The following TMC4 variants were observed in gnomAD, a reference collection of about 807,000 sequenced individuals.
The protein encoded by TMC4 is transmembrane channel like 4.
A neutral mutation model predicts 82.0 loss-of-function variants in TMC4; 70 were observed. That is an observed-to-expected ratio of 0.85 (90% CI 0.70 to 1.04). The LOEUF is 1.04. Ranked by LOEUF, TMC4 falls within the 50% of genes least tolerant of loss-of-function variation. The probability of loss-of-function intolerance (pLI) is 0.00; values close to 1 mark genes in which losing one functional copy is unlikely to be tolerated. For missense variants in TMC4, 879 were observed against 899.0 expected (o/e 0.98, Z 0.28); for synonymous variants, 446 against 406.0 (o/e 1.10, Z -1.18).
At position 54,165,071 on chromosome 19, in the gene TMC4, T is replaced by TTC. The variant is rs1465447390; in HGVS notation, c.945+347_945+348insGA. On this transcript the variant is annotated intron_variant, in intron 6 of 14. Coordinates refer to ENST00000619895, the MANE Select transcript of TMC4 (RefSeq NM_144686.4). ...TGTGCTTACTTAAAAAAAAACAAACTTTTTTTTTTTTTTTTTGGTAGAGAG... is the reference window on the plus strand; with the variant it reads ...TGTGCTTACTTAAAAAAAAACAAACTTCTTTTTTTTTTTTTTTTGGTAGAGAG... Among the ~76,000 whole-genome samples the TTC allele has an allele frequency of 9.7e-5, 7 of 72,076 alleles. No homozygotes were observed. In the East Asian group the frequency reaches 2.7e-3, roughly 27 times the overall value. 47.3% of individuals were successfully genotyped at this position (72,076 alleles called of 152,430 possible). A position where few individuals can be genotyped will look rare whatever the true frequency, so the allele number is the denominator to read the frequency against.
At chr19:54,166,066 G>A (rs1295410529) in intron 5 of TMC4, among the ~76,000 whole-genome samples, 1 of 152,106 alleles carries the variant, frequency 6.6e-6, no homozygotes, top group African/African-American at 2.4e-5. Flanking sequence ...ACCCAGAGAA[G>A]ATGGCAGGTA....
rs1198523576 is a variant in TMC4 at position 54,163,717 on chromosome 19, C to A, written c.1277+7G>T. On this transcript the variant is annotated splice_region_variant and intron_variant, in intron 8 of 14. Transcript: ENST00000619895. ...ATCATTCCCAGCCATCCCCGTGAGG[C>A]TGGAACCTGAGCAGGATAAAAACGA... 1 of 1,613,960 alleles carries A rather than the reference C, an allele frequency of 6.2e-7. No homozygotes were observed. The highest frequency in any genetic ancestry group is 8.5e-7 in the Non-Finnish European group (1 of 1,180,028).
intron 1 of TMC4, chr19:54,172,684 A>C: frequency 3.6e-6 from 1 of 277,920 alleles, no homozygotes; most frequent in Non-Finnish European, 6.6e-6. Context: ...ACAGCCCTCA[A>C]CTCCATCCCC....
At chr19:54,166,063 G>C (rs2075695099) in intron 5 of TMC4, among the ~76,000 whole-genome samples, 1 of 152,122 alleles carries the variant, frequency 6.6e-6, no homozygotes, top group Non-Finnish European at 1.5e-5. Context: ...GAGACCCAGA[G>C]AAGATGGCAG....
chr19:54,167,594 C>G (rs77341501), intron 5 of TMC4, among the ~76,000 whole-genome samples: 1 of 150,086 alleles, frequency 6.7e-6, no homozygotes, highest in African/African-American at 2.4e-5. Flanking sequence ...AAAACAAAAA[C>G]AAATCCCAAA....
At chr19:54,165,686 G>A (rs2075687196) in intron 5 of TMC4, 120 bp from the exon 6 acceptor site, 16 of 1,175,016 alleles carry the variant, frequency 1.4e-5, no homozygotes, top group South Asian at 1.1e-4. Context: ...GGTACTAGGC[G>A]AGTTCCCACC....
Position 54,163,573 on chromosome 19 carries a change from G to A in TMC4, c.1277+151C>T. On this transcript the variant is annotated intron_variant, in intron 8 of 14. Coordinates refer to ENST00000619895, the MANE Select transcript of TMC4 (RefSeq NM_144686.4). Reference sequence around the variant, plus strand: ...GGCCTCCCAAAGTGCTGGGATTACAGGTGTGAGCCACTGCACCTGGCCAAC... The same window carrying A: ...GGCCTCCCAAAGTGCTGGGATTACAAGTGTGAGCCACTGCACCTGGCCAAC... 3 of 937,374 alleles carry A rather than the reference G, an allele frequency of 3.2e-6. No homozygotes were observed. In the South Asian group the frequency reaches 4.2e-5, roughly 13 times the overall value. The allele number at this position is 937,374 out of a possible 1,614,324, so 58.1% of individuals were successfully genotyped here. A position where few individuals can be genotyped will look rare whatever the true frequency, so the allele number is the denominator to read the frequency against.
chr19:54,166,846 G>T (rs2075717409), intron 5 of TMC4, among the ~76,000 whole-genome samples: 1 of 152,178 alleles, frequency 6.6e-6, no homozygotes, highest in Non-Finnish European at 1.5e-5. Context: ...CCAGCTACTT[G>T]GGAGGTTGAG....
intron 9 of TMC4, 105 bp from the exon 10 acceptor site, chr19:54,162,875 T>C: frequency 6.6e-7 from 1 of 1,515,832 alleles, no homozygotes; most frequent in Non-Finnish European, 9.1e-7. Context: ...TGTCAATACT[T>C]TCTCTGGGGG....
chr19:54,170,762 C>T (rs930467181), intron 2 of TMC4, among the ~76,000 whole-genome samples: 2 of 152,062 alleles, frequency 1.3e-5, no homozygotes, highest in Admixed American at 6.6e-5. Context: ...CCTCCCAAAG[C>T]GCTGGGGCTA....
At chr19:54,170,969 T>C (rs960555269) in intron 2 of TMC4, among the ~76,000 whole-genome samples, 2 of 151,978 alleles carry the variant, frequency 1.3e-5, no homozygotes, top group Non-Finnish European at 2.9e-5. Context: ...GGCCGCAGTA[T>C]AGTGGCTATA....
Position 54,160,948 on chromosome 19 carries a change from C to G in TMC4, c.1903G>C (p.Glu635Gln). The G allele has an allele frequency of 1.2e-6, 2 of 1,614,130 alleles. No homozygotes were observed. The highest frequency in any genetic ancestry group is 1.1e-5 in the South Asian group (1 of 91,076). ...QIPESISSLP[E>Q]TTQNFLFFLG... The stretch of plus-strand genomic sequence containing the variant: ...AAGAAGAGGAAATTCTGGGTGGTCT[C>G]AGGGAGGCTGGAAATAGACTCAGGG... Residue 635 changes from glutamate (E) to glutamine (Q), a missense_variant, in exon 13 of 15, where the codon GAG becomes CAG. By Grantham distance (29) the Glu-to-Gln change is conservative. Transcript: ENST00000619895.
intron 6 of TMC4, 118 bp downstream of exon 6, chr19:54,165,301 A>G: frequency 8.4e-7 from 1 of 1,189,804 alleles, no homozygotes; most frequent in Non-Finnish European, 1.1e-6. Flanking sequence ...CCTTTCTTGG[A>G]GAAGGAGCTG....
rs1464718923 is a variant in TMC4 at position 54,169,539 on chromosome 19, AG to A, written c.414del (p.Trp139GlyfsTer5). 1 of 1,612,230 alleles carries A rather than the reference AG, an allele frequency of 6.2e-7. No individual in the cohort carries two copies. The highest frequency in any genetic ancestry group is 1.3e-5 in the African/African-American group (1 of 74,314). On this transcript the variant is annotated frameshift_variant, in exon 3 of 15. Coordinates refer to ENST00000619895, the MANE Select transcript of TMC4 (RefSeq NM_144686.4). LOFTEE classifies it high-confidence loss of function. ...CCGATCCTCTTCAGTGTCCACGCCC[AG>A]GGCTGCAGGCTTCGCAAGCCTTCCT... ...KTKEGLRSLQ[P>X]WAWTLKRIGG...
intron 5 of TMC4, 94 bp from the exon 6 acceptor site, chr19:54,165,660 G>GAACC: frequency 7.0e-7 from 1 of 1,423,478 alleles, no homozygotes; most frequent in Non-Finnish European, 9.4e-7. Context: ...TGGGGAAGAT[G>GAACC]AACCCTAAGG....
intron 3 of TMC4, 40 bp from the exon 4 acceptor site, chr19:54,168,720 G>A (rs2146904798): frequency 1.4e-6 from 2 of 1,391,314 alleles, no homozygotes; most frequent in Non-Finnish European, 1.9e-6. Context: ...TTCCTTCCCG[G>A]GAGCAGGACC....
In TMC4 at chr19:54,169,596, G is replaced by T. The variant is rs758987586; in HGVS notation, c.358C>A (p.Arg120=). The change falls in exon 3 of 15, where the codon CGG becomes AGG. Residue 120 remains arginine (R), a synonymous_variant. Coordinates refer to ENST00000619895, the MANE Select transcript of TMC4 (RefSeq NM_144686.4). ...GSGTKTDRWA[R]LLRRSKEKTK... is the part of the protein sequence containing the mutation. ...TTCTCCTTGGACCTCCGAAGTAGCCGCGCCCATCGGTCCGTCTTAGTTCCA... is the reference window on the plus strand; with the variant it reads ...TTCTCCTTGGACCTCCGAAGTAGCCTCGCCCATCGGTCCGTCTTAGTTCCA... The T allele has an allele frequency of 1.9e-6, 3 of 1,613,810 alleles. No individual in the cohort carries two copies. The highest frequency in any genetic ancestry group is 2.7e-5 in the African/African-American group (2 of 74,868).
Position 54,161,198 on chromosome 19 carries a change from G to T in TMC4, c.1749C>A (p.Phe583Leu). 6.3e-7 allele frequency: 1 copy of T among 1,593,174 alleles called. No individual in the cohort carries two copies. The highest frequency in any genetic ancestry group is 8.5e-7 in the Non-Finnish European group (1 of 1,170,942). The part of the protein sequence containing the change: ...ARTFRASAAN[F>L]FFPLVLLLGL... ...CCAGGAGAAGGACCAAGGGGAAAAA[G>T]AAATTCGCCGCGGAGGCCCGGAAGG... The change falls in exon 12 of 15, where the codon TTC (phenylalanine) becomes TTA (leucine). Residue 583 changes from phenylalanine (F) to leucine (L), a missense_variant. Coordinates refer to ENST00000619895, the MANE Select transcript of TMC4 (RefSeq NM_144686.4).
chr19:54,165,978 TG>T (rs1330215853), intron 5 of TMC4, among the ~76,000 whole-genome samples: 1 of 151,924 alleles, frequency 6.6e-6, no homozygotes, highest in Non-Finnish European at 1.5e-5. Context: ...CTACAAAAGA[TG>T]GGGGTCAAAG....
Sources: allele counts gnomAD v4.1 joint callset (sites outside exome capture counted in the v4.1 genomes callset), GRCh38; gene constraint gnomAD v4.1.1; transcripts MANE v1.5; gene names NCBI Gene and HGNC (gene_info 2026-07-23, HGNC 2026-07-21).